SRFBP1: variants seen among roughly 807,000 people sequenced by gnomAD.
SRFBP1 encodes serum response factor binding protein 1, also known as serum response factor-binding protein 1.
A neutral mutation model predicts 45.5 loss-of-function variants in SRFBP1; 47 were observed. That is an observed-to-expected ratio of 1.03 (90% CI 0.82 to 1.32). SRFBP1 has a LOEUF of 1.32. Among genes scored for constraint, SRFBP1 ranks in the 40% most tolerant of loss-of-function variants. The pLI, the probability that SRFBP1 is intolerant of heterozygous loss-of-function variation, is 0.00. For synonymous variants in SRFBP1, 203 were observed against 166.3 expected, an observed-to-expected ratio of 1.22 and a Z score of -1.70; for missense variants, 621 against 484.6, an observed-to-expected ratio of 1.28 and a Z score of -2.64.
At chr5:122,073,711 T>G (rs893566328) in intron 2 of SRFBP1, among the ~76,000 whole-genome samples, 5 of 152,202 alleles carry the variant, frequency 3.3e-5, no homozygotes, top group Admixed American at 2.6e-4. Context: ...AGGGGCCACA[T>G]GCATAACTGG....
At chr5:122,006,743 A>G (rs1403214343) in intron 4 of SRFBP1, among the ~76,000 whole-genome samples, 1 of 151,996 alleles carries the variant, frequency 6.6e-6, no homozygotes, top group Non-Finnish European at 1.5e-5. Context: ...AATTTTTCAT[A>G]TATGTAATTT....
chr5:122,004,004 A>G (rs747587054), intron 4 of SRFBP1, among the ~76,000 whole-genome samples: 28 of 152,060 alleles, frequency 1.8e-4, no homozygotes, highest in Non-Finnish European at 2.9e-5. Context: ...GCAGGATCTC[A>G]GCTCACTGCC....
At chr5:122,018,176 A>G (rs1753225557) in intron 4 of SRFBP1, among the ~76,000 whole-genome samples, 1 of 152,242 alleles carries the variant, frequency 6.6e-6, no homozygotes, top group Non-Finnish European at 1.5e-5. Context: ...TCAGAAAGCA[A>G]TAAAGCTTAA....
At chr5:122,013,815 C>G (rs1001400647) in intron 4 of SRFBP1, among the ~76,000 whole-genome samples, 23 of 152,206 alleles carry the variant, frequency 1.5e-4, no homozygotes, top group African/African-American at 5.3e-4. Flanking sequence ...TTTGGTAAAT[C>G]TCACTTGTAT....
chr5:121,979,314 T>G (rs565433308), intron 3 of SRFBP1, among the ~76,000 whole-genome samples: 1 of 152,306 alleles, frequency 6.6e-6, no homozygotes, highest in East Asian at 1.9e-4. Flanking sequence ...TTTGTGATAT[T>G]TCTGGTTATA....
intron 2 of SRFBP1, among the ~76,000 whole-genome samples, chr5:122,048,000 A>G (rs574000295): frequency 4.6e-5 from 7 of 152,294 alleles, no homozygotes; most frequent in Non-Finnish European, 8.8e-5. Context: ...AACAGGGACA[A>G]TTTGACTTTC....
chr5:122,034,512 T>G (rs1359192108), intron 2 of SRFBP1, among the ~76,000 whole-genome samples: 1 of 152,162 alleles, frequency 6.6e-6, no homozygotes, highest in Non-Finnish European at 1.5e-5. Context: ...TTTCACATGT[T>G]GCTTAAATAC....
At chr5:122,040,271 A>G (rs1161291583) in intron 2 of SRFBP1, among the ~76,000 whole-genome samples, 1 of 152,142 alleles carries the variant, frequency 6.6e-6, no homozygotes. Context: ...GGCCTATACT[A>G]TAGAATTGTA....
chr5:121,970,684 A>AATATATT (rs1752170736), intron 1 of SRFBP1, among the ~76,000 whole-genome samples: 1 of 152,056 alleles, frequency 6.6e-6, no homozygotes, highest in Non-Finnish European at 1.5e-5. Context: ...GCATTTTTAA[A>AATATATT]ATATATTATG....
intron 4 of SRFBP1, among the ~76,000 whole-genome samples, chr5:121,996,979 G>A (rs1465598898): frequency 7.6e-6 from 1 of 131,454 alleles, no homozygotes; most frequent in Non-Finnish European, 1.6e-5. Context: ...ACCTCTTCAA[G>A]GAGAACTACA....
In SRFBP1 at chr5:122,027,779, A is replaced by C. The variant is rs920538131; in HGVS notation, c.*653A>C. On this transcript the variant is annotated 3_prime_UTR_variant, in exon 8 of 8. Transcript: ENST00000339397. ...ATTATAGTTTTAAGTACTTGTGATC[A>C]TGTACTTTTTGATTCTAAAATAGTT... 4 of 152,174 alleles carry C rather than the reference A, an allele frequency of 2.6e-5. No individual in the cohort carries two copies. Among genetic ancestry groups the C allele is most frequent in the Non-Finnish European group, 5.9e-5 (4 of 68,028 alleles). The allele number at this position is 152,174 out of a possible 1,614,324, so 9.4% of individuals were successfully genotyped here. A position where few individuals can be genotyped will look rare whatever the true frequency, so the allele number is the denominator to read the frequency against.
chr5:122,013,751 A>C (rs1753141230), intron 4 of SRFBP1, among the ~76,000 whole-genome samples: 1 of 152,168 alleles, frequency 6.6e-6, no homozygotes, highest in Non-Finnish European at 1.5e-5. Context: ...AACATTCTGC[A>C]TGGGAAAACT....
At chr5:122,034,244 A>G (rs1403165218) in intron 2 of SRFBP1, among the ~76,000 whole-genome samples, 1 of 152,216 alleles carries the variant, frequency 6.6e-6, no homozygotes, top group Non-Finnish European at 1.5e-5. Context: ...GCCCTTTCAC[A>G]TGTGTTAAGA....
intron 4 of SRFBP1, among the ~76,000 whole-genome samples, chr5:121,994,898 A>G (rs1752690385): frequency 6.6e-6 from 1 of 152,102 alleles, no homozygotes; most frequent in Admixed American, 6.6e-5. Context: ...TGAACTTAAT[A>G]TGACATTTCA....
intron 3 of SRFBP1, among the ~76,000 whole-genome samples, chr5:121,978,644 A>G (rs1294606811): frequency 6.6e-6 from 1 of 152,078 alleles, no homozygotes; most frequent in Non-Finnish European, 1.5e-5. Flanking sequence ...GTTGCCTGCC[A>G]TCATGCCTGG....
At chr5:121,989,827 G>A (rs922569626) in intron 3 of SRFBP1, among the ~76,000 whole-genome samples, 1 of 152,116 alleles carries the variant, frequency 6.6e-6, no homozygotes, top group African/African-American at 2.4e-5. Context: ...GAATACTTAT[G>A]AGCAGTAAGT....
intron 3 of SRFBP1, among the ~76,000 whole-genome samples, chr5:121,988,471 GA>G (rs1171434849): frequency 2.0e-5 from 3 of 151,996 alleles, no homozygotes; most frequent in Non-Finnish European, 4.4e-5. Context: ...TGAAGTCCAG[GA>G]AAAAATAGGC....
Position 122,020,754 on chromosome 5 carries a change from T to C in SRFBP1, c.1019T>C (p.Leu340Ser). Residue 340 changes from leucine to serine, a missense_variant, in exon 6 of 8, where the codon TTA (leucine) becomes TCA (serine). Leu to Ser is a moderately radical substitution (Grantham distance 145). Coordinates refer to ENST00000339397, the MANE Select transcript of SRFBP1 (RefSeq NM_152546.3). ...KIKPSTETRK[L>S]ESVFFHSLSG... ...AAGCCAAGTACAGAAACCAGAAAGT[T>C]AGAATCAGTGTTTTTCCACTCTTTA... 2 of 1,601,232 alleles carry C rather than the reference T, an allele frequency of 1.2e-6. No individual in the cohort carries two copies. The highest frequency in any genetic ancestry group is 1.7e-6 in the Non-Finnish European group (2 of 1,176,380).
chr5:122,031,224 G>A (rs1753583963), downstream of SRFBP1, among the ~76,000 whole-genome samples: 1 of 152,160 alleles, frequency 6.6e-6, no homozygotes, highest in South Asian at 2.1e-4. Flanking sequence ...CAAATATATA[G>A]TTCAGAAAGG....
Sources: gnomAD v4.1 joint callset for allele counts (sites outside exome capture counted in the v4.1 genomes callset) on GRCh38, gnomAD v4.1.1 for gene constraint, MANE v1.5 for transcripts, NCBI Gene and HGNC (gene_info 2026-07-23, HGNC 2026-07-21) for gene names.